Variants in SAMD3 observed in about 807,000 individuals in gnomAD.
SAMD3 encodes the protein sterile alpha motif domain-containing protein 3.
In SAMD3, 63 loss-of-function variants were observed where a neutral mutation model predicts 58.5. The observed-to-expected ratio is 1.08, with a 90% CI of 0.88 to 1.33. The LOEUF is 1.33. Among genes scored for constraint, SAMD3 ranks in the 40% most tolerant of loss-of-function variants. The probability of loss-of-function intolerance (pLI) is 0.00; values close to 1 mark genes in which losing one functional copy is unlikely to be tolerated. For missense variants in SAMD3, 604 were observed against 608.4 expected (o/e 0.99, Z 0.08); for synonymous variants, 220 against 210.3 (o/e 1.05, Z -0.40).
chr6:130,145,415 C>G lies in SAMD3; in HGVS notation c.1203G>C (p.Lys401Asn). ...YTDEDMLKYM[K>N]MTATCLLLPD... is the part of the protein sequence containing the mutation. ...GGAGGAGTAAACATGTGGCTGTCATCTTCATGTCTGTCAAAGCAAATATGT... is the reference window on the plus strand; with the variant it reads ...GGAGGAGTAAACATGTGGCTGTCATGTTCATGTCTGTCAAAGCAAATATGT... Residue 401 changes from lysine (K) to asparagine (N), a missense_variant, in exon 11 of 12, where the codon AAG becomes AAC. Coordinates refer to ENST00000439090, the MANE Select transcript of SAMD3 (RefSeq NM_001017373.4). The G allele has an allele frequency of 6.2e-7, 1 of 1,609,578 alleles. No individual in the cohort carries two copies. Among genetic ancestry groups the G allele is most frequent in the Non-Finnish European group, 8.5e-7 (1 of 1,176,808 alleles).
chr6:130,273,823 G>A (rs796132915), intron 2 of SAMD3, among the ~76,000 whole-genome samples: 2 of 152,024 alleles, frequency 1.3e-5, no homozygotes, highest in Admixed American at 6.6e-5. Flanking sequence ...TATTATTGAT[G>A]TCAAAATTTG....
At chr6:130,347,412 G>A (rs571150335) in intron 1 of SAMD3, among the ~76,000 whole-genome samples, 3 of 152,266 alleles carry the variant, frequency 2.0e-5, no homozygotes, top group South Asian at 2.1e-4. Flanking sequence ...ACAATGGCAC[G>A]AGAACTATGT....
upstream of SAMD3, among the ~76,000 whole-genome samples, chr6:130,226,546 G>T (rs1796386028): frequency 6.6e-6 from 1 of 152,332 alleles, no homozygotes; most frequent in East Asian, 1.9e-4. Flanking sequence ...ATTATGAGGG[G>T]CCGGGCACCA....
chr6:130,269,581 T>C (rs1472292454), intron 2 of SAMD3, among the ~76,000 whole-genome samples: 2 of 152,172 alleles, frequency 1.3e-5, no homozygotes, highest in Non-Finnish European at 2.9e-5. Flanking sequence ...CATTCTGATA[T>C]TGGTAATATG....
chr6:130,313,616 C>T (rs1160067950), intron 1 of SAMD3, among the ~76,000 whole-genome samples: 1 of 152,198 alleles, frequency 6.6e-6, no homozygotes, highest in Non-Finnish European at 1.5e-5. Context: ...ACCAATGCCA[C>T]CCCACTGTCC....
chr6:130,353,529 G>A (rs968750803), intron 1 of SAMD3, among the ~76,000 whole-genome samples: 3 of 152,130 alleles, frequency 2.0e-5, no homozygotes, highest in African/African-American at 7.2e-5. Flanking sequence ...CATGATCTGC[G>A]ATATCTTCTG....
intron 2 of SAMD3, among the ~76,000 whole-genome samples, chr6:130,306,384 G>A (rs966226776): frequency 4.0e-4 from 61 of 152,156 alleles, no homozygotes; most frequent in African/African-American, 1.5e-3. Flanking sequence ...AGGTAAATGA[G>A]GGTTAGAGAA....
upstream of SAMD3, among the ~76,000 whole-genome samples, chr6:130,224,876 C>T (rs1165641751): frequency 1.3e-5 from 2 of 152,004 alleles, no homozygotes; most frequent in African/African-American, 4.8e-5. Context: ...CCTCGGCCTC[C>T]TAAAGTGCTG....
At chr6:130,189,532 T>C (rs1002099491) in intron 5 of SAMD3, among the ~76,000 whole-genome samples, 2 of 152,264 alleles carry the variant, frequency 1.3e-5, no homozygotes, top group African/African-American at 4.8e-5. Flanking sequence ...TACCCGTTTC[T>C]GTTAGCAACT....
chr6:130,173,554 T>A (rs1314772884), intron 8 of SAMD3, among the ~76,000 whole-genome samples: 2 of 152,198 alleles, frequency 1.3e-5, no homozygotes, highest in Non-Finnish European at 2.9e-5. Context: ...TCTGGAAGCT[T>A]CGTCCCAGAG....
At chr6:130,332,033 G>C (rs1390308381) in intron 1 of SAMD3, among the ~76,000 whole-genome samples, 2 of 152,182 alleles carry the variant, frequency 1.3e-5, no homozygotes, top group African/African-American at 4.8e-5. Flanking sequence ...TGGAATCAAT[G>C]GATTAGTTAG....
intron 2 of SAMD3, among the ~76,000 whole-genome samples, chr6:130,265,835 TAA>T (rs1322624276): frequency 5.1e-4 from 78 of 152,234 alleles, no homozygotes; most frequent in African/African-American, 1.7e-3. Context: ...TTAATAGTAA[TAA>T]GTTAGAAATA....
At chr6:130,275,764 A>G (rs546739370) in intron 2 of SAMD3, among the ~76,000 whole-genome samples, 8 of 152,032 alleles carry the variant, frequency 5.3e-5, no homozygotes, top group East Asian at 1.9e-4. Flanking sequence ...TCTTCTTTGT[A>G]TATCATATTC....
chr6:130,285,925 G>A (rs577675729), intron 2 of SAMD3, among the ~76,000 whole-genome samples: 13 of 152,252 alleles, frequency 8.5e-5, no homozygotes, highest in Middle Eastern at 6.8e-3. Flanking sequence ...TCACGGATAT[G>A]AGATAATAAA....
At chr6:130,188,711 T>A (rs1272221559) in intron 5 of SAMD3, among the ~76,000 whole-genome samples, 1 of 152,228 alleles carries the variant, frequency 6.6e-6, no homozygotes, top group African/African-American at 2.4e-5. Context: ...CATAACTTTT[T>A]ACAAGAGCTT....
chr6:130,350,115 A>C (rs1434013150), intron 1 of SAMD3, among the ~76,000 whole-genome samples: 2 of 152,216 alleles, frequency 1.3e-5, no homozygotes, highest in African/African-American at 2.4e-5. Flanking sequence ...AGCCAATATC[A>C]TACTGAATGG....
rs142323272 is a variant in SAMD3 at position 130,295,368 on chromosome 6, G to A, written c.-188+17610C>T. On this transcript the variant is annotated intron_variant, in intron 2 of 13. Transcript: ENST00000368134. ...AGGTAGGGCATGCCTCAGAGGTGGT[G>A]GTTTGATGAGATGGACTTGGGTTCT... Among the ~76,000 whole-genome samples, 30 of 152,306 alleles carry A rather than the reference G, an allele frequency of 2.0e-4. No individual in the cohort carries two copies. The East Asian group carries it at 5.0e-3, about 25-fold the overall frequency.
intron 5 of SAMD3, among the ~76,000 whole-genome samples, chr6:130,196,573 G>A (rs1794138736): frequency 6.6e-6 from 1 of 152,156 alleles, no homozygotes; most frequent in Admixed American, 6.5e-5. Context: ...TATAGTACAA[G>A]CCACTAGCCC....
chr6:130,213,128 A>G (rs1017065818), intron 4 of SAMD3, among the ~76,000 whole-genome samples: 2 of 152,028 alleles, frequency 1.3e-5, no homozygotes, highest in African/African-American at 4.8e-5. Context: ...TTTAAAAAAT[A>G]AAAATAAACA....
Sources: allele counts gnomAD v4.1 joint callset (sites outside exome capture counted in the v4.1 genomes callset), GRCh38; gene constraint gnomAD v4.1.1; transcripts MANE v1.5; gene names NCBI Gene and HGNC (gene_info 2026-07-23, HGNC 2026-07-21).